Variants in NECAB1 observed in about 807,000 individuals in gnomAD.
The protein encoded by NECAB1 is N-terminal EF-hand calcium binding protein 1, also known as N-terminal EF-hand calcium-binding protein 1.
NECAB1 carries 29 observed loss-of-function variants against 57.5 expected under a neutral mutation model. The ratio of observed to expected loss-of-function variants is 0.50; its 90% CI spans 0.38 to 0.69. The LOEUF is 0.69. Among genes scored for constraint, NECAB1 ranks in the 30% least tolerant of loss-of-function variants. The pLI is 0.00. For synonymous variants in NECAB1, 142 were observed against 147.7 expected, an observed-to-expected ratio of 0.96 and a Z score of 0.28; for missense variants, 372 against 413.8, an observed-to-expected ratio of 0.90 and a Z score of 0.88.
intron 5 of NECAB1, among the ~76,000 whole-genome samples, chr8:90,892,594 C>T (rs915388438): frequency 3.3e-5 from 5 of 152,186 alleles, no homozygotes; most frequent in African/African-American, 4.8e-5. Context: ...TTATTCTCTA[C>T]GATCAAGTCA....
At chr8:90,803,874 T>G (rs1472363483) in intron 2 of NECAB1, among the ~76,000 whole-genome samples, 2 of 152,198 alleles carry the variant, frequency 1.3e-5, no homozygotes, top group African/African-American at 2.4e-5. Context: ...TTTGCTTACA[T>G]TCCTGCTCAA....
chr8:90,859,171 T>A (rs970606508), intron 3 of NECAB1: 1 of 152,136 alleles, frequency 6.6e-6, no homozygotes, highest in Non-Finnish European at 1.5e-5. Context: ...CGCCTCTGGA[T>A]GAATATAGCT....
intron 5 of NECAB1, among the ~76,000 whole-genome samples, chr8:90,885,046 A>C (rs753094943): frequency 3.3e-5 from 5 of 152,214 alleles, no homozygotes; most frequent in Non-Finnish European, 7.4e-5. Flanking sequence ...CTGGACAGAG[A>C]AACCTCCACC....
At chr8:90,869,460 C>A (rs1428235778) in intron 3 of NECAB1, among the ~76,000 whole-genome samples, 3 of 152,176 alleles carry the variant, frequency 2.0e-5, no homozygotes, top group Non-Finnish European at 4.4e-5. Flanking sequence ...GGGGCTGGAC[C>A]CTGCAGAACC....
At chr8:90,834,999 T>TA (rs1812347076) in intron 3 of NECAB1, among the ~76,000 whole-genome samples, 1 of 130,972 alleles carries the variant, frequency 7.6e-6, no homozygotes, top group Admixed American at 8.5e-5. Flanking sequence ...TTTTTTTTTT[T>TA]TAAAAAAGAG....
intron 10 of NECAB1, among the ~76,000 whole-genome samples, chr8:90,942,711 G>A (rs1395729223): frequency 1.3e-5 from 2 of 152,090 alleles, no homozygotes; most frequent in African/African-American, 4.8e-5. Context: ...ATGAGACCCC[G>A]TCTCTACTAA....
At chr8:90,841,243 G>A (rs1812450490) in intron 3 of NECAB1, among the ~76,000 whole-genome samples, 1 of 148,780 alleles carries the variant, frequency 6.7e-6, no homozygotes, top group Non-Finnish European at 1.5e-5. Flanking sequence ...CTAGGTGACA[G>A]AGCGAGACTC....
At chr8:90,942,988 A>G (rs1327004505) in intron 10 of NECAB1, among the ~76,000 whole-genome samples, 2 of 152,244 alleles carry the variant, frequency 1.3e-5, no homozygotes, top group Admixed American at 6.5e-5. Context: ...CAGAGAAGAT[A>G]AAGTCTATTT....
chr8:90,913,647 T>A (rs982070750), intron 5 of NECAB1, among the ~76,000 whole-genome samples: 7 of 152,188 alleles, frequency 4.6e-5, no homozygotes, highest in Admixed American at 1.3e-4. Context: ...AAAAAATCTC[T>A]TTTTGTACCT....
At chr8:90,839,967 T>G (rs978602734) in intron 3 of NECAB1, among the ~76,000 whole-genome samples, 2 of 152,154 alleles carry the variant, frequency 1.3e-5, no homozygotes, top group Non-Finnish European at 2.9e-5. Context: ...AGGTAAGAGG[T>G]GCTTCAGCTG....
chr8:90,845,913 CT>C (rs1471558596), intron 3 of NECAB1, among the ~76,000 whole-genome samples: 2 of 152,134 alleles, frequency 1.3e-5, no homozygotes, highest in Admixed American at 1.3e-4. Context: ...TAGATTTTCT[CT>C]GAGTGATTTT....
chr8:90,885,735 A>G (rs1808966884), intron 5 of NECAB1, among the ~76,000 whole-genome samples: 1 of 152,158 alleles, frequency 6.6e-6, no homozygotes, highest in Non-Finnish European at 1.5e-5. Context: ...CCATATGCAC[A>G]TACTATAAAT....
chr8:90,888,086 G>A (rs917719956), intron 5 of NECAB1, among the ~76,000 whole-genome samples: 5 of 151,962 alleles, frequency 3.3e-5, no homozygotes, highest in African/African-American at 1.2e-4. Context: ...AAGGTATAGT[G>A]ATAAATTATT....
intron 3 of NECAB1, among the ~76,000 whole-genome samples, chr8:90,869,947 G>A (rs56052985): frequency 0.041 from 6,307 of 152,138 alleles, 461 homozygotes; most frequent in African/African-American, 0.14. Flanking sequence ...CCCCAGTGTT[G>A]GGGAGGTACC....
chr8:90,881,049 C>T lies in NECAB1; in HGVS notation c.276C>T (p.His92=). ...TEELCEYFSQ[H]LGEYENVLAA... is the part of the protein sequence containing the mutation. Reference sequence around the variant, plus strand: ...ATTTTTCAGAATATTTTTCTCAGCACTTGGGCGAGTATGAGAATGTACTAG... The same window carrying T: ...ATTTTTCAGAATATTTTTCTCAGCATTTGGGCGAGTATGAGAATGTACTAG... The change falls in exon 5 of 13, where the codon CAC becomes CAT. Residue 92 remains histidine (H), a synonymous_variant. Transcript: ENST00000417640. The T allele has an allele frequency of 6.2e-7, 1 of 1,601,496 alleles. No individual in the cohort carries two copies. The highest frequency in any genetic ancestry group is 8.5e-7 in the Non-Finnish European group (1 of 1,173,694).
At position 90,955,843 on chromosome 8, in the gene NECAB1, TAAAG is replaced by T; in HGVS notation, c.*335_*338del. The T allele has an allele frequency of 4.6e-6, 1 of 217,900 alleles. No homozygotes were observed. 13.5% of individuals were successfully genotyped at this position (217,900 alleles called of 1,614,324 possible). A position where few individuals can be genotyped will look rare whatever the true frequency, so the allele number is the denominator to read the frequency against. ...TATTGTGAAAATGAATCTGTTATGA[TAAAG>T]AAAAAATAAAGTGGAAACTTTTAGA... On this transcript the variant is annotated 3_prime_UTR_variant, in exon 13 of 13. Coordinates refer to ENST00000417640, the MANE Select transcript of NECAB1 (RefSeq NM_022351.5).
intron 4 of NECAB1, among the ~76,000 whole-genome samples, chr8:90,878,084 T>C (rs191312305): frequency 2.6e-4 from 39 of 152,168 alleles, no homozygotes; most frequent in African/African-American, 8.9e-4. Context: ...TCACCCAGGC[T>C]GGAGTGCAGT....
chr8:90,844,506 G>C (rs1458421463), intron 3 of NECAB1, among the ~76,000 whole-genome samples: 2 of 152,164 alleles, frequency 1.3e-5, no homozygotes, highest in Admixed American at 6.5e-5. Context: ...ATGGAAGAGA[G>C]CATTCTTTCT....
chr8:90,929,134 C>T (rs772595723), intron 8 of NECAB1, among the ~76,000 whole-genome samples: 1 of 152,066 alleles, frequency 6.6e-6, no homozygotes, highest in Non-Finnish European at 1.5e-5. Context: ...TATATGGTAG[C>T]ACAGAATGGG....
Sources: allele counts gnomAD v4.1 joint callset (sites outside exome capture counted in the v4.1 genomes callset), GRCh38; gene constraint gnomAD v4.1.1; transcripts MANE v1.5; gene names NCBI Gene and HGNC (gene_info 2026-07-23, HGNC 2026-07-21).